CWF19L1: variants seen among roughly 807,000 people sequenced by gnomAD.
CWF19L1 encodes the protein CWF19 like cell cycle control factor 1.
In CWF19L1, 60 loss-of-function variants were observed where a neutral mutation model predicts 69.7. The ratio of observed to expected loss-of-function variants is 0.86; its 90% CI spans 0.70 to 1.07. CWF19L1 has a LOEUF of 1.07. CWF19L1 is among the 50% of genes least tolerant of loss of function. The probability of loss-of-function intolerance (pLI) is 0.00; values close to 1 mark genes in which losing one functional copy is unlikely to be tolerated. For missense variants in CWF19L1, 591 were observed against 638.9 expected (o/e 0.92, Z 0.81); for synonymous variants, 209 against 222.2 (o/e 0.94, Z 0.53).
chr10:100,255,568 G>A (rs1167968774), intron 5 of CWF19L1, among the ~76,000 whole-genome samples: 1 of 152,106 alleles, frequency 6.6e-6, no homozygotes, highest in African/African-American at 2.4e-5. Context: ...TTCATGACTA[G>A]CCTGGGCAAC....
rs76641115 is a variant in CWF19L1 at position 100,260,431 on chromosome 10, T to G, written c.188-112A>C. ...TATTAAAAGTAAATAGTCCATGCATTCACATTCCCCATATTTAGCAATCCT... is the reference window on the plus strand; with the variant it reads ...TATTAAAAGTAAATAGTCCATGCATGCACATTCCCCATATTTAGCAATCCT... On this transcript the variant is annotated intron_variant, in intron 3 of 13. Coordinates refer to ENST00000354105, the MANE Select transcript of CWF19L1 (RefSeq NM_018294.6). The G allele has an allele frequency of 2.0e-5, 12 of 587,050 alleles. No individual in the cohort carries two copies. The East Asian group carries it at 3.3e-4, about 16-fold the overall frequency. 36.4% of individuals were successfully genotyped at this position (587,050 alleles called of 1,614,324 possible).
chr10:100,266,603 G>A (rs1262971206), intron 1 of CWF19L1, among the ~76,000 whole-genome samples: 5 of 150,696 alleles, frequency 3.3e-5, no homozygotes, highest in Non-Finnish European at 7.4e-5. Context: ...TGCAACCTCC[G>A]CCTCCGGGTT....
chr10:100,240,390 G>A (rs1846600561), intron 10 of CWF19L1, among the ~76,000 whole-genome samples: 1 of 152,146 alleles, frequency 6.6e-6, no homozygotes. Context: ...TAATTGCAGG[G>A]AGGAGATCCC....
chr10:100,267,520 A>G, intron 1 of CWF19L1, 51 bp downstream of exon 1: 1 of 1,613,968 alleles, frequency 6.2e-7, no homozygotes, highest in East Asian at 2.2e-5. Flanking sequence ...GTCGTCACCT[A>G]CACACACGAA....
At chr10:100,235,088 C>A (rs546080092) in intron 13 of CWF19L1, among the ~76,000 whole-genome samples, 1 of 152,284 alleles carries the variant, frequency 6.6e-6, no homozygotes, top group Admixed American at 6.5e-5. Flanking sequence ...GTCACATTAG[C>A]CACATTTCAG....
At chr10:100,251,337 ATG>A (rs1371066759) in intron 6 of CWF19L1, among the ~76,000 whole-genome samples, 3 of 152,152 alleles carry the variant, frequency 2.0e-5, no homozygotes, top group Non-Finnish European at 2.9e-5. Context: ...CTCACCAGCA[ATG>A]TGTGAGGATT....
At chr10:100,239,500 A>G (rs1490720993) in intron 10 of CWF19L1, among the ~76,000 whole-genome samples, 1 of 152,132 alleles carries the variant, frequency 6.6e-6, no homozygotes, top group Non-Finnish European at 1.5e-5. Context: ...TTAGCTGGGC[A>G]TGGTGGCACG....
intron 8 of CWF19L1, among the ~76,000 whole-genome samples, chr10:100,246,292 A>G (rs2134291439): frequency 6.6e-6 from 1 of 152,330 alleles, no homozygotes; most frequent in Non-Finnish European, 1.5e-5. Context: ...AAGAGATGAG[A>G]AGGCTGCTTG....
intron 10 of CWF19L1, among the ~76,000 whole-genome samples, chr10:100,240,402 A>C (rs1051638415): frequency 1.3e-5 from 2 of 152,196 alleles, no homozygotes; most frequent in Admixed American, 6.5e-5. Flanking sequence ...GGAGATCCCA[A>C]ACTCTTCCAC....
chr10:100,253,366 C>G (rs564303070), intron 6 of CWF19L1, 55 bp downstream of exon 6: 1 of 1,059,230 alleles, frequency 9.4e-7, no homozygotes, highest in East Asian at 2.4e-5. Context: ...GAAGTTTATA[C>G]AGAAGATCCA....
intron 12 of CWF19L1, 108 bp from the exon 13 acceptor site, chr10:100,235,872 T>C (rs1564848392): frequency 2.6e-6 from 2 of 780,944 alleles, no homozygotes; most frequent in East Asian, 2.6e-5. Context: ...GAAAAAAAGA[T>C]ATGTATGTTG....
chr10:100,265,958 C>A (rs913665190), intron 1 of CWF19L1, among the ~76,000 whole-genome samples: 1 of 152,180 alleles, frequency 6.6e-6, no homozygotes, highest in African/African-American at 2.4e-5. Flanking sequence ...GCCATACCAT[C>A]TAGGTCTCTG....
At chr10:100,265,075 T>A (rs935752289) in intron 1 of CWF19L1, among the ~76,000 whole-genome samples, 3 of 151,452 alleles carry the variant, frequency 2.0e-5, no homozygotes, top group Non-Finnish European at 4.4e-5. Flanking sequence ...GAGCCGTGAT[T>A]GCACAATTGC....
chr10:100,240,231 A>T (rs918828578), intron 10 of CWF19L1, among the ~76,000 whole-genome samples: 1 of 152,160 alleles, frequency 6.6e-6, no homozygotes, highest in African/African-American at 2.4e-5. Context: ...TGCAATAATT[A>T]TTTTACACTC....
At chr10:100,255,929 C>CAA (rs1185464984) in intron 5 of CWF19L1, among the ~76,000 whole-genome samples, 1 of 145,618 alleles carries the variant, frequency 6.9e-6, no homozygotes, top group Non-Finnish European at 1.5e-5. Context: ...GACTCCATCT[C>CAA]AAAAAAAAAC....
chr10:100,237,074 C>T (rs1589609926), intron 11 of CWF19L1, 105 bp from the exon 12 acceptor site: 1 of 1,327,892 alleles, frequency 7.5e-7, no homozygotes, highest in Non-Finnish European at 1.0e-6. Context: ...TGGAGAAACA[C>T]CCCTCAGCAC....
intron 8 of CWF19L1, among the ~76,000 whole-genome samples, 182 bp downstream of exon 8, chr10:100,246,613 C>T (rs187381906): frequency 4.6e-5 from 7 of 152,234 alleles, no homozygotes; most frequent in East Asian, 3.9e-4. Flanking sequence ...AAACTGTTAA[C>T]CCCAAACTAC....
intron 6 of CWF19L1, among the ~76,000 whole-genome samples, chr10:100,251,605 G>A (rs923277949): frequency 4.3e-5 from 6 of 140,942 alleles, no homozygotes; most frequent in Non-Finnish European, 9.0e-5. Context: ...TCCACCTCCC[G>A]GGTTCATGCC....
intron 4 of CWF19L1, among the ~76,000 whole-genome samples, chr10:100,259,462 A>T (rs1847321610): frequency 6.6e-6 from 1 of 152,216 alleles, no homozygotes; most frequent in Admixed American, 6.5e-5. Context: ...CCAAAACCTT[A>T]GAGTGAAACC....
Sources: allele counts gnomAD v4.1 joint callset (sites outside exome capture counted in the v4.1 genomes callset), GRCh38; gene constraint gnomAD v4.1.1; transcripts MANE v1.5; gene names NCBI Gene and HGNC (gene_info 2026-07-23, HGNC 2026-07-21).